The following ATP9B variants were observed in gnomAD, a reference collection of about 807,000 sequenced individuals.
ATP9B encodes ATPase phospholipid transporting 9B, also known as probable phospholipid-transporting ATPase IIB.
ATP9B carries 110 observed loss-of-function variants against 146.1 expected under a neutral mutation model. The ratio of observed to expected loss-of-function variants is 0.75; its 90% confidence interval spans 0.65 to 0.88. The LOEUF is 0.88. Ranked by LOEUF, ATP9B falls within the 40% of genes least tolerant of loss-of-function variation. The pLI is 0.00. For missense variants in ATP9B, 1,499 were observed against 1,496.4 expected, an observed-to-expected ratio of 1.00 and a Z score of -0.03; for synonymous variants, 604 against 569.7, an observed-to-expected ratio of 1.06 and a Z score of -0.86.
rs182887893 is a variant in ATP9B at position 79,312,041 on chromosome 18, G to A, written c.1773+4807G>A. Among the ~76,000 whole-genome samples the A allele has an allele frequency of 4.6e-5, 7 of 152,324 alleles. 1 individual carries two copies. Among genetic ancestry groups the A allele is most frequent in the African/African-American group, 1.7e-4 (7 of 41,566 alleles). The stretch of plus-strand genomic sequence containing the variant: ...GAGACCTCTCTGAGTAACTCCGTGT[G>A]CCTGCCGCCTTCCCTCCAGTCATTC... On this transcript the variant is annotated intron_variant, in intron 15 of 29. Transcript: ENST00000426216.
At chr18:79,188,889 ATTT>A (rs5826625) in intron 8 of ATP9B, among the ~76,000 whole-genome samples, 2 of 144,016 alleles carry the variant, frequency 1.4e-5, no homozygotes, top group Admixed American at 6.9e-5. Flanking sequence ...GCTTTTTAGC[ATTT>A]TTTTTTTTTT....
chr18:79,248,372 T>A (rs1238575344), intron 11 of ATP9B, among the ~76,000 whole-genome samples: 1 of 152,222 alleles, frequency 6.6e-6, no homozygotes, highest in Non-Finnish European at 1.5e-5. Flanking sequence ...AAATTACTTA[T>A]TTTTTTCTTG....
chr18:79,292,689 G>A (rs2096518096), intron 13 of ATP9B, among the ~76,000 whole-genome samples: 1 of 150,126 alleles, frequency 6.7e-6, no homozygotes, highest in Non-Finnish European at 1.5e-5. Context: ...AAAAAGACAT[G>A]CATCCGAGGA....
chr18:79,346,682 C>T (rs552777580), intron 23 of ATP9B, among the ~76,000 whole-genome samples: 13 of 136,806 alleles, frequency 9.5e-5, no homozygotes, highest in Non-Finnish European at 1.6e-5. Flanking sequence ...AGCACACACT[C>T]GGCACACACT....
chr18:79,212,845 A>G (rs2095596640), intron 10 of ATP9B, among the ~76,000 whole-genome samples: 1 of 152,090 alleles, frequency 6.6e-6, no homozygotes. Context: ...GAACTTTTAC[A>G]AACTGAAGCC....
chr18:79,147,366 C>T (rs556061181), intron 6 of ATP9B, among the ~76,000 whole-genome samples: 6 of 152,296 alleles, frequency 3.9e-5, no homozygotes, highest in East Asian at 1.9e-4. Flanking sequence ...CATAGACCAC[C>T]GTACCTGTCA....
intron 26 of ATP9B, among the ~76,000 whole-genome samples, chr18:79,370,265 C>T (rs975388250): frequency 3.3e-5 from 5 of 152,046 alleles, no homozygotes; most frequent in African/African-American, 2.4e-5. Context: ...TATTTCATGG[C>T]TCATTTTATT....
intron 2 of ATP9B, among the ~76,000 whole-genome samples, chr18:79,102,630 T>C (rs147073961): frequency 6.6e-6 from 1 of 152,200 alleles, no homozygotes; most frequent in Admixed American, 6.5e-5. Flanking sequence ...TTGCCTTCAC[T>C]TAGAAATTTT....
chr18:79,287,731 C>T (rs1177467019), intron 13 of ATP9B, among the ~76,000 whole-genome samples: 1 of 152,036 alleles, frequency 6.6e-6, no homozygotes, highest in Non-Finnish European at 1.5e-5. Context: ...TAGGATCTTT[C>T]CTGCTTTCTC....
At chr18:79,349,980 A>G (rs1394078327) in intron 25 of ATP9B, among the ~76,000 whole-genome samples, 2 of 148,924 alleles carry the variant, frequency 1.3e-5, no homozygotes, top group Admixed American at 1.4e-4. Flanking sequence ...GTGCTCTACA[A>G]GGACAAGGCA....
chr18:79,200,815 G>A (rs2095479210), intron 9 of ATP9B, among the ~76,000 whole-genome samples: 2 of 834 alleles, frequency 2.4e-3, no homozygotes, highest in South Asian at 0.071. Context: ...GAATAGACTT[G>A]GGTGGGGCCC....
chr18:79,159,287 C>T (rs1020159492), intron 7 of ATP9B, among the ~76,000 whole-genome samples: 2 of 152,154 alleles, frequency 1.3e-5, no homozygotes, highest in African/African-American at 4.8e-5. Context: ...CAGGTATGTA[C>T]ACTTGCTAAT....
In ATP9B at chr18:79,347,854, A is replaced by G; in HGVS notation, c.2767A>G (p.Asn923Asp). ...IGRLLMVHGR[N>D]SYKRSAALGQ... ...CAGGCTGCTCATGGTGCACGGGCGG[A>G]ACAGCTACAAGAGGTCGGCGGCACT... The change falls in exon 24 of 30, where the codon AAC becomes GAC. Residue 923 changes from asparagine (N) to aspartate (D), a missense_variant. Asn to Asp is a conservative substitution (Grantham distance 23, BLOSUM62 1). Coordinates refer to ENST00000426216, the MANE Select transcript of ATP9B (RefSeq NM_198531.5). 1 of 1,613,840 alleles carries G rather than the reference A, an allele frequency of 6.2e-7. No individual in the cohort carries two copies. Among genetic ancestry groups the G allele is most frequent in the Non-Finnish European group, 8.5e-7 (1 of 1,179,952 alleles).
chr18:79,238,856 G>T (rs142675894), intron 11 of ATP9B, among the ~76,000 whole-genome samples: 3 of 148,842 alleles, frequency 2.0e-5, no homozygotes, highest in East Asian at 4.1e-4. Flanking sequence ...TGACGCGGAC[G>T]CAGTGAAGCG....
intron 25 of ATP9B, among the ~76,000 whole-genome samples, chr18:79,351,850 G>C (rs1453364609): frequency 6.6e-6 from 1 of 152,082 alleles, no homozygotes; most frequent in Non-Finnish European, 1.5e-5. Context: ...GGCAGCAGGA[G>C]GGGCTGGGAG....
intron 7 of ATP9B, among the ~76,000 whole-genome samples, chr18:79,165,930 G>C (rs2094958059): frequency 6.6e-6 from 1 of 152,150 alleles, no homozygotes. Context: ...ATCCCAGTGA[G>C]TTCCAGCCCC....
intron 10 of ATP9B, among the ~76,000 whole-genome samples, chr18:79,208,543 C>A (rs146384432): frequency 1.1e-3 from 174 of 152,196 alleles, no homozygotes; most frequent in Non-Finnish European, 2.1e-3. Context: ...ACAACGAACT[C>A]CAGGAGGAGG....
intron 25 of ATP9B, among the ~76,000 whole-genome samples, chr18:79,349,895 C>T: frequency 3.0e-5 from 1 of 32,992 alleles, no homozygotes; most frequent in Non-Finnish European, 5.4e-5. Context: ...AGGCCCCGCA[C>T]CCCCCCCCCC....
At chr18:79,081,868 T>A (rs190798849) in intron 1 of ATP9B, among the ~76,000 whole-genome samples, 17 of 152,118 alleles carry the variant, frequency 1.1e-4, no homozygotes, top group African/African-American at 3.9e-4. Flanking sequence ...CCTTAGTGAA[T>A]CTGACGATTA....
Sources: allele counts gnomAD v4.1 joint callset (sites outside exome capture counted in the v4.1 genomes callset), GRCh38; gene constraint gnomAD v4.1.1; transcripts MANE v1.5; gene names NCBI Gene and HGNC (gene_info 2026-07-23, HGNC 2026-07-21).